Variants in TMTC3 observed in about 807,000 individuals in gnomAD.
TMTC3 encodes protein O-mannosyl-transferase TMTC3.
Under a neutral mutation model 92.2 loss-of-function variants are expected in TMTC3, and 52 were observed. The observed-to-expected ratio is 0.56, with a 90% CI of 0.45 to 0.71. TMTC3 has a LOEUF of 0.71. TMTC3 is among the 30% of genes least tolerant of loss of function. TMTC3 has a pLI of 0.00. For missense variants in TMTC3, 896 were observed against 1,057.1 expected, an observed-to-expected ratio of 0.85 and a Z score of 2.11; for synonymous variants, 339 against 363.3, an observed-to-expected ratio of 0.93 and a Z score of 0.76.
intron 12 of TMTC3, among the ~76,000 whole-genome samples, chr12:88,192,369 A>C (rs916664457): frequency 2.6e-5 from 4 of 152,160 alleles, no homozygotes; most frequent in Non-Finnish European, 4.4e-5. Flanking sequence ...GAAATCAGGC[A>C]TAATTTTTTT....
At position 88,198,691 on chromosome 12, in the gene TMTC3, ACT is replaced by A. The variant is rs1592757723; in HGVS notation, c.*3046_*3047del. On this transcript the variant is annotated 3_prime_UTR_variant, in exon 14 of 14. Transcript: ENST00000266712. ...TGCCTTTTCATTACATCTAATTTGA[ACT>A]CTCAACTTCATGTTACAGAATGCTT... 6.2e-6 allele frequency: 2 copies of A among 323,708 alleles called. No homozygotes were observed. The highest frequency in any genetic ancestry group is 4.7e-5 in the East Asian group (1 of 21,134). The allele number at this position is 323,708 out of a possible 1,614,324, so 20.1% of individuals were successfully genotyped here.
intron 4 of TMTC3, among the ~76,000 whole-genome samples, chr12:88,155,330 G>A (rs2040994285): frequency 6.6e-6 from 1 of 152,130 alleles, no homozygotes; most frequent in African/African-American, 2.4e-5. Context: ...CCCTACCTGT[G>A]CAGTGCATCA....
At chr12:88,193,686 A>T (rs1218107335) in intron 13 of TMTC3, among the ~76,000 whole-genome samples, 1 of 152,118 alleles carries the variant, frequency 6.6e-6, no homozygotes, top group Non-Finnish European at 1.5e-5. Flanking sequence ...CTCCTGATTT[A>T]TTTTCAAATT....
chr12:88,166,210 C>T, intron 6 of TMTC3, 120 bp from the exon 7 acceptor site: 1 of 974,898 alleles, frequency 1.0e-6, no homozygotes, highest in African/African-American at 1.7e-5. Flanking sequence ...TAACATTTGT[C>T]TGTGTCTTCT....
chr12:88,179,719 C>T (rs2041296462), intron 10 of TMTC3, among the ~76,000 whole-genome samples: 1 of 151,942 alleles, frequency 6.6e-6, no homozygotes, highest in African/African-American at 2.4e-5. Context: ...AGTGCAGCCC[C>T]CGTAAGCAGG....
intron 4 of TMTC3, among the ~76,000 whole-genome samples, chr12:88,156,024 C>T (rs2138372868): frequency 6.6e-6 from 1 of 152,192 alleles, no homozygotes; most frequent in African/African-American, 2.4e-5. Context: ...GCAGGAGAAT[C>T]GCTTGAACCT....
intron 2 of TMTC3, among the ~76,000 whole-genome samples, chr12:88,151,638 A>G (rs976213960): frequency 6.6e-6 from 1 of 152,182 alleles, no homozygotes; most frequent in Admixed American, 6.6e-5. Context: ...ATGTATGTCT[A>G]ATAGTCCTAA....
rs547981453 is a variant in TMTC3 at position 88,198,919 on chromosome 12, G to T, written c.*3270G>T. 2.0e-5 allele frequency: 3 copies of T among 152,256 alleles called. No individual in the cohort carries two copies. The highest frequency in any genetic ancestry group is 1.9e-4 in the East Asian group (1 of 5,192). The allele number at this position is 152,256 out of a possible 1,614,324, so 9.4% of individuals were successfully genotyped here. Reference sequence around the variant, plus strand: ...CTGTTGGAAGCCGCCAGCCATTCATGTAGAGAGTTTATAAGAAAATAATTT... The same window carrying T: ...CTGTTGGAAGCCGCCAGCCATTCATTTAGAGAGTTTATAAGAAAATAATTT... On this transcript the variant is annotated 3_prime_UTR_variant, in exon 14 of 14. Coordinates refer to ENST00000266712, the MANE Select transcript of TMTC3 (RefSeq NM_181783.4).
At position 88,190,592 on chromosome 12, in the gene TMTC3, G is replaced by A; in HGVS notation, c.1676G>A (p.Arg559Lys). The A allele has an allele frequency of 6.2e-7, 1 of 1,613,710 alleles. No homozygotes were observed. Among genetic ancestry groups the A allele is most frequent in the East Asian group, 2.2e-5 (1 of 44,820 alleles). ...DQLYRQAISMRPDFKQAYISR... is the reference protein window; with the variant it reads ...DQLYRQAISMKPDFKQAYISR... Reference sequence around the variant, plus strand: ...CTGTACCGTCAAGCAATAAGCATGAGGCCCGACTTCAAGCAGGCTTACATT... The same window carrying A: ...CTGTACCGTCAAGCAATAAGCATGAAGCCCGACTTCAAGCAGGCTTACATT... Residue 559 changes from arginine (R) to lysine (K), a missense_variant, in exon 12 of 14, where the codon AGG becomes AAG. By Grantham distance (26) the Arg-to-Lys change is conservative. Coordinates refer to ENST00000266712, the MANE Select transcript of TMTC3 (RefSeq NM_181783.4).
chr12:88,146,626 CAT>C (rs1340191838), intron 1 of TMTC3, among the ~76,000 whole-genome samples: 1 of 137,700 alleles, frequency 7.3e-6, no homozygotes, highest in Non-Finnish European at 1.6e-5. Flanking sequence ...TATATATATA[CAT>C]ATATATGTAT....
chr12:88,166,319 C>G lies in TMTC3; in HGVS notation c.798-11C>G. On this transcript the variant is annotated splice_polypyrimidine_tract_variant and intron_variant, in intron 6 of 13. Coordinates refer to ENST00000266712, the MANE Select transcript of TMTC3 (RefSeq NM_181783.4). ...TTTTATTTGTAATCTTTTTTTTAAT[C>G]CTTTATACAGGTTTGATAACCCAGC... The G allele has an allele frequency of 3.7e-6, 6 of 1,603,726 alleles. No homozygotes were observed. The highest frequency in any genetic ancestry group is 5.1e-6 in the Non-Finnish European group (6 of 1,176,240).
chr12:88,152,998 T>A (rs550652096), intron 2 of TMTC3, among the ~76,000 whole-genome samples: 1 of 152,312 alleles, frequency 6.6e-6, no homozygotes, highest in African/African-American at 2.4e-5. Flanking sequence ...TGTCTTTTTT[T>A]AAAATTGTTA....
intron 6 of TMTC3, among the ~76,000 whole-genome samples, chr12:88,162,921 T>TTG (rs2041096552): frequency 6.6e-6 from 1 of 150,780 alleles, no homozygotes; most frequent in Admixed American, 6.6e-5. Context: ...TCTTTCTTCT[T>TTG]TTTTTTTTTG....
chr12:88,152,124 A>G (rs2040950181), intron 2 of TMTC3, among the ~76,000 whole-genome samples: 1 of 152,222 alleles, frequency 6.6e-6, no homozygotes, highest in South Asian at 2.1e-4. Context: ...TTGCGTTAGT[A>G]TAAAGGAATA....
chr12:88,174,501 G>A, intron 8 of TMTC3, 106 bp from the exon 9 acceptor site: 1 of 1,263,480 alleles, frequency 7.9e-7, no homozygotes, highest in African/African-American at 1.5e-5. Context: ...ATTAACATAT[G>A]ATATTTTAGG....
chr12:88,166,590 A>G lies in TMTC3; in HGVS notation c.1050+8A>G. ...TCCAAGACTGTTTTAATGGTAAGAA[A>G]CTTTTCTTAACTTCCAAATGATGTT... On this transcript the variant is annotated splice_region_variant and intron_variant, in intron 7 of 13. Transcript: ENST00000266712. The G allele has an allele frequency of 6.2e-7, 1 of 1,603,280 alleles. No homozygotes were observed. The highest frequency in any genetic ancestry group is 8.5e-7 in the Non-Finnish European group (1 of 1,176,086).
chr12:88,164,993 G>A (rs538285932), intron 6 of TMTC3, among the ~76,000 whole-genome samples: 21 of 151,972 alleles, frequency 1.4e-4, no homozygotes, highest in African/African-American at 2.9e-4. Context: ...ATAAGACTTC[G>A]GATTTCCTTC....
chr12:88,166,198 CA>C (rs1253185725), intron 6 of TMTC3, 131 bp from the exon 7 acceptor site: 7 of 865,388 alleles, frequency 8.1e-6, no homozygotes, highest in Non-Finnish European at 1.2e-5. Context: ...CTGAGGTACA[CA>C]TAACATTTGT....
At chr12:88,194,044 A>G (rs987914136) in intron 13 of TMTC3, among the ~76,000 whole-genome samples, 4 of 152,092 alleles carry the variant, frequency 2.6e-5, no homozygotes, top group Non-Finnish European at 4.4e-5. Context: ...CAACATAGTA[A>G]AACTCTGTCT....
Sources: gnomAD v4.1 joint callset for allele counts (sites outside exome capture counted in the v4.1 genomes callset) on GRCh38, gnomAD v4.1.1 for gene constraint, MANE v1.5 for transcripts, NCBI Gene and HGNC (gene_info 2026-07-23, HGNC 2026-07-21) for gene names.